The following CCNY variants were observed in gnomAD, a reference collection of about 807,000 sequenced individuals.
The protein encoded by CCNY is cyclin Y.
Under a neutral mutation model 42.8 loss-of-function variants are expected in CCNY, and 19 were observed. The ratio of observed to expected loss-of-function variants is 0.44; its 90% CI spans 0.31 to 0.65. CCNY has a LOEUF of 0.65. Ranked by LOEUF, CCNY falls within the 30% of genes least tolerant of loss-of-function variation. CCNY has a pLI of 0.07. For synonymous variants in CCNY, 165 were observed against 162.7 expected (o/e 1.01, Z -0.11); for missense variants, 370 against 437.3 (o/e 0.85, Z 1.37).
intron 1 of CCNY, among the ~76,000 whole-genome samples, chr10:35,387,321 A>G (rs1460975675): frequency 1.3e-5 from 2 of 152,230 alleles, no homozygotes; most frequent in Admixed American, 6.5e-5. Flanking sequence ...GGGAGCTCCC[A>G]TAAGAATGCC....
chr10:35,296,828 A>G (rs1835476960), intron 3 of CCNY, among the ~76,000 whole-genome samples: 1 of 152,204 alleles, frequency 6.6e-6, no homozygotes, highest in Non-Finnish European at 1.5e-5. Flanking sequence ...CTACCAACCA[A>G]GAAAAGCCCA....
chr10:35,564,377 C>G (rs1192052403), intron 8 of CCNY, among the ~76,000 whole-genome samples: 4 of 152,112 alleles, frequency 2.6e-5, no homozygotes, highest in Admixed American at 1.3e-4. Context: ...TCATGTCTCC[C>G]CAGAGCCACT....
intron 3 of CCNY, among the ~76,000 whole-genome samples, chr10:35,503,744 T>C (rs1011829014): frequency 1.3e-5 from 2 of 152,122 alleles, no homozygotes; most frequent in African/African-American, 4.8e-5. Flanking sequence ...GTTTTACAGA[T>C]GAGGAGATGA....
chr10:35,414,479 G>T (rs1203601592), intron 1 of CCNY, among the ~76,000 whole-genome samples: 2 of 152,216 alleles, frequency 1.3e-5, no homozygotes, highest in Non-Finnish European at 2.9e-5. Context: ...GGAAGTCATT[G>T]TCTCATGCTG....
chr10:35,403,187 A>G (rs1837681378), intron 1 of CCNY, among the ~76,000 whole-genome samples: 2 of 152,174 alleles, frequency 1.3e-5, no homozygotes, highest in African/African-American at 2.4e-5. Context: ...CATGGAACAC[A>G]GAGAAGTGAT....
chr10:35,292,074 C>T (rs1835420131), intron 3 of CCNY, among the ~76,000 whole-genome samples: 1 of 152,148 alleles, frequency 6.6e-6, no homozygotes, highest in African/African-American at 2.4e-5. Context: ...GCGTGAAGTG[C>T]CACCTCATTG....
intron 2 of CCNY, 44 bp downstream of exon 2, chr10:35,483,522 T>G: frequency 7.9e-7 from 1 of 1,262,684 alleles, no homozygotes; most frequent in Non-Finnish European, 1.1e-6. Flanking sequence ...AAGGCTCATG[T>G]TGGTACTTCG....
rs939984854 is a variant in CCNY, at chr10:35,530,742, G to A, written c.579+499G>A. Among the ~76,000 whole-genome samples, 2 of 152,112 alleles carry A rather than the reference G, an allele frequency of 1.3e-5. No individual in the cohort carries two copies. The highest frequency in any genetic ancestry group is 2.9e-5 in the Non-Finnish European group (2 of 68,018). ...GCAGGATATTCAGAGACAGTATGGAGGTAACGTATATTTTAAGACTCAAGA... is the reference window on the plus strand; with the variant it reads ...GCAGGATATTCAGAGACAGTATGGAAGTAACGTATATTTTAAGACTCAAGA... On this transcript the variant is annotated intron_variant, in intron 7 of 9. Transcript: ENST00000374704. This position sits in a 1 kb window ranked among gnomAD's most constrained non-coding sequence, Gnocchi z 4.3.
chr10:35,456,023 A>G (rs1009294440), intron 1 of CCNY, among the ~76,000 whole-genome samples: 3 of 152,016 alleles, frequency 2.0e-5, no homozygotes, highest in Non-Finnish European at 4.4e-5. Flanking sequence ...AAAATAGTCA[A>G]CTTTAGGTAC....
At chr10:35,390,234 A>G (rs1024209437) in intron 1 of CCNY, among the ~76,000 whole-genome samples, 1 of 152,208 alleles carries the variant, frequency 6.6e-6, no homozygotes, top group African/African-American at 2.4e-5. Context: ...ATGCCTTGCA[A>G]TGATTAATTA....
intron 2 of CCNY, among the ~76,000 whole-genome samples, chr10:35,249,870 T>C (rs2135019267): frequency 6.6e-6 from 1 of 152,052 alleles, no homozygotes; most frequent in African/African-American, 2.4e-5. Flanking sequence ...GCCAACATGG[T>C]GAAACCCTGT....
chr10:35,408,744 G>A (rs1055377835), intron 1 of CCNY, among the ~76,000 whole-genome samples: 5 of 152,060 alleles, frequency 3.3e-5, no homozygotes, highest in Non-Finnish European at 5.9e-5. Context: ...TGGGCTCAGA[G>A]GCCTGACAGT....
intron 3 of CCNY, among the ~76,000 whole-genome samples, chr10:35,296,762 T>C (rs1433613913): frequency 1.3e-5 from 2 of 152,002 alleles, no homozygotes; most frequent in Non-Finnish European, 2.9e-5. Context: ...TAGGAAGAAA[T>C]TGCATCCCTG....
intron 7 of CCNY, among the ~76,000 whole-genome samples, chr10:35,547,220 C>T (rs980651289): frequency 6.6e-6 from 1 of 152,114 alleles, no homozygotes; most frequent in Admixed American, 6.5e-5. Flanking sequence ...CAATTATGAT[C>T]TAAAACATTA....
At chr10:35,522,305 C>T (rs1294563922) in intron 4 of CCNY, among the ~76,000 whole-genome samples, 1 of 152,208 alleles carries the variant, frequency 6.6e-6, no homozygotes, top group Non-Finnish European at 1.5e-5. Flanking sequence ...TTCTGGGCCC[C>T]TGACTTATAA....
chr10:35,530,038 C>T lies in CCNY; in HGVS notation c.459+8C>T, dbSNP rs746879132. 6 of 1,614,036 alleles carry T rather than the reference C, an allele frequency of 3.7e-6. No homozygotes were observed. The South Asian group carries it at 4.4e-5, about 12-fold the overall frequency. On this transcript the variant is annotated splice_region_variant and intron_variant, in intron 6 of 9. Coordinates refer to ENST00000374704, the MANE Select transcript of CCNY (RefSeq NM_145012.6). The surrounding 1 kb of genome is among the most constrained non-coding windows in gnomAD (Gnocchi z 4.3). ...AATCTTCACCCTCTTTCGGTAATCT[C>T]CTCCGTGTGTTTCATGAGATGATTT... is the stretch of plus-strand genomic sequence containing the variant.
At chr10:35,560,888 G>C (rs1166833179) in intron 8 of CCNY, among the ~76,000 whole-genome samples, 5 of 152,190 alleles carry the variant, frequency 3.3e-5, no homozygotes, top group Non-Finnish European at 5.9e-5. Context: ...GGAAAATCAT[G>C]ACTCCTCGGT....
At chr10:35,444,303 CA>C (rs1317192520) in intron 1 of CCNY, among the ~76,000 whole-genome samples, 17 of 149,374 alleles carry the variant, frequency 1.1e-4, no homozygotes, top group African/African-American at 4.2e-4. Context: ...GGCTGGAGTG[CA>C]GTGCGTGATC....
At chr10:35,410,715 A>G (rs1837884738) in intron 1 of CCNY, among the ~76,000 whole-genome samples, 1 of 152,228 alleles carries the variant, frequency 6.6e-6, no homozygotes, top group Non-Finnish European at 1.5e-5. Flanking sequence ...TACCAGCTTC[A>G]GTTTTGAGAG....
Sources: gnomAD v4.1 joint callset for allele counts (sites outside exome capture counted in the v4.1 genomes callset) on GRCh38, gnomAD v4.1.1 for gene constraint, Gnocchi (gnomAD v3.1) non-coding constraint, MANE v1.5 for transcripts, NCBI Gene and HGNC (gene_info 2026-07-23, HGNC 2026-07-21) for gene names.